FRAS1: variants seen among roughly 807,000 people sequenced by gnomAD.
The protein encoded by FRAS1 is extracellular matrix organizing protein FRAS1.
Under a neutral mutation model 435.2 loss-of-function variants are expected in FRAS1, and 290 were observed. That is an observed-to-expected ratio of 0.67 (90% CI 0.61 to 0.73). The LOEUF (loss-of-function observed/expected upper bound fraction) is 0.73. Among genes scored for constraint, FRAS1 ranks in the 30% least tolerant of loss-of-function variants. FRAS1 has a pLI of 0.00. For synonymous variants in FRAS1, 1,800 were observed against 1,851.0 expected (o/e 0.97, Z 0.71); for missense variants, 4,860 against 5,001.5 (o/e 0.97, Z 0.85).
rs748860766 is a variant in FRAS1, at chr4:78,464,051, A to T, written c.6794A>T (p.Asp2265Val). 4 of 1,613,570 alleles carry T rather than the reference A, an allele frequency of 2.5e-6. No individual in the cohort carries two copies. Among genetic ancestry groups the T allele is most frequent in the Non-Finnish European group, 3.4e-6 (4 of 1,179,794 alleles). Residue 2265 changes from aspartate (D) to valine (V), a missense_variant, in exon 48 of 74, where the codon GAT (aspartate) becomes GTT (valine). Physicochemically the swap from Asp to Val is radical, Grantham distance 152. Coordinates refer to ENST00000512123, the MANE Select transcript of FRAS1 (RefSeq NM_025074.7). ...GIQISSFTQA[D>V]LTSRNVQYVH... ...CAGATTAGTTCCTTTACTCAAGCTG[A>T]TCTGACTTCACGAAATGTTCAGTAT...
chr4:78,182,110 T>C, intron 2 of FRAS1: 1 of 1,253,896 alleles, frequency 8.0e-7, no homozygotes, highest in Admixed American at 2.7e-5. Context: ...CAAGAGCGCC[T>C]GCTTCAGCTC....
chr4:78,334,585 G>GTT (rs1158163741), intron 19 of FRAS1, among the ~76,000 whole-genome samples: 2 of 151,416 alleles, frequency 1.3e-5, no homozygotes, highest in African/African-American at 4.9e-5. Context: ...TGATCAGGCT[G>GTT]GTCGTGATCT....
At chr4:78,289,250 C>T (rs906840169) in intron 14 of FRAS1, among the ~76,000 whole-genome samples, 2 of 144,836 alleles carry the variant, frequency 1.4e-5, no homozygotes, top group African/African-American at 2.9e-5. Flanking sequence ...ATCATTTTCT[C>T]TTTTCTCTTG....
Position 78,144,451 on chromosome 4 carries a change from A to AGTGT in FRAS1, c.108+78458_108+78461dup, listed in dbSNP as rs144059150. 6.2e-3 allele frequency among the ~76,000 whole-genome samples: 912 copies of AGTGT among 146,586 alleles called. 8 individuals are homozygous for AGTGT. Among genetic ancestry groups the AGTGT allele is most frequent in the African/African-American group, 0.018 (744 of 40,238 alleles). On this transcript the variant is annotated intron_variant, in intron 2 of 73. Coordinates refer to ENST00000512123, the MANE Select transcript of FRAS1 (RefSeq NM_025074.7). Reference sequence around the variant, plus strand: ...TTCTCATTTTTCTTATTTTAAAATAAGTGTGTGTGTGTGTGTGTGTGTGTG... The same window carrying AGTGT: ...TTCTCATTTTTCTTATTTTAAAATAAGTGTGTGTGTGTGTGTGTGTGTGTGTGTG...
At chr4:78,520,855 A>G (rs1244447452) in intron 67 of FRAS1, among the ~76,000 whole-genome samples, 1 of 152,186 alleles carries the variant, frequency 6.6e-6, no homozygotes, top group Non-Finnish European at 1.5e-5. Flanking sequence ...TTTTGGCTTT[A>G]TATTTCTCAT....
rs751038020 is a variant in FRAS1, at chr4:78,372,902, C to A, written c.3010+44C>A. ...TGCTCTGTGCTCAGCCATACCTTGG[C>A]CACCTCTGATTTGTACTGTTCTCAG... On this transcript the variant is annotated intron_variant, in intron 24 of 73. Transcript: ENST00000512123. 65 of 1,594,412 alleles carry A rather than the reference C, an allele frequency of 4.1e-5. 1 individual carries two copies. The highest frequency in any genetic ancestry group is 1.7e-6 in the Non-Finnish European group (2 of 1,170,828).
At chr4:78,059,141 G>C (rs945104450) in intron 1 of FRAS1, among the ~76,000 whole-genome samples, 11 of 152,170 alleles carry the variant, frequency 7.2e-5, no homozygotes, top group African/African-American at 2.7e-4. Flanking sequence ...AGGGCGGGCC[G>C]CCTTCTCCGC....
chr4:78,308,014 G>T, intron 14 of FRAS1, 52 bp from the exon 15 acceptor site: 1 of 1,526,656 alleles, frequency 6.6e-7, no homozygotes, highest in Non-Finnish European at 8.8e-7. Context: ...GAAAAATGAT[G>T]ACCAGTCCTT....
intron 2 of FRAS1, chr4:78,181,729 T>G: frequency 6.2e-7 from 1 of 1,610,386 alleles, no homozygotes; most frequent in South Asian, 1.1e-5. Flanking sequence ...CAACTCGTCT[T>G]ATTCCTTCTT....
At chr4:78,500,559 C>G (rs1720644245) in intron 61 of FRAS1, among the ~76,000 whole-genome samples, 1 of 152,156 alleles carries the variant, frequency 6.6e-6, no homozygotes, top group Non-Finnish European at 1.5e-5. Context: ...TTTCTGAAAT[C>G]TAACTGGTAT....
chr4:78,443,973 C>G, intron 41 of FRAS1: 1 of 323,696 alleles, frequency 3.1e-6, no homozygotes, highest in South Asian at 2.5e-5. Context: ...CTCAGCCTCC[C>G]AAGTACCTGG....
chr4:78,224,285 A>G (rs1724177211), intron 2 of FRAS1, among the ~76,000 whole-genome samples: 1 of 152,246 alleles, frequency 6.6e-6, no homozygotes. Flanking sequence ...CCTACTTTCA[A>G]ATCCTGGCTT....
intron 20 of FRAS1, among the ~76,000 whole-genome samples, chr4:78,343,890 C>T (rs183219603): frequency 2.2e-4 from 33 of 152,236 alleles, no homozygotes; most frequent in Non-Finnish European, 3.8e-4. Flanking sequence ...TTCTACTGTG[C>T]GGGGGAGGTG....
In FRAS1 at chr4:78,429,228, T is replaced by C. The variant is rs370018000; in HGVS notation, c.4843+2T>C. 2.2e-5 allele frequency: 35 copies of C among 1,605,716 alleles called. No individual in the cohort carries two copies. The East Asian group carries it at 4.0e-4, about 18-fold the overall frequency. ...GCCCAGGAGGCAGCACTTCTGTAGGTAAGAACTGGGAGCCTGATAGAAACA... is the reference window on the plus strand; with the variant it reads ...GCCCAGGAGGCAGCACTTCTGTAGGCAAGAACTGGGAGCCTGATAGAAACA... On this transcript the variant is annotated splice_donor_variant, in intron 36 of 73. Coordinates refer to ENST00000512123, the MANE Select transcript of FRAS1 (RefSeq NM_025074.7). LOFTEE classifies it high-confidence loss of function.
intron 30 of FRAS1, among the ~76,000 whole-genome samples, chr4:78,402,346 A>T (rs1016456718): frequency 3.3e-5 from 5 of 152,054 alleles, no homozygotes; most frequent in African/African-American, 1.2e-4. Context: ...TATTTAATTT[A>T]AAAATAGTTC....
chr4:78,058,208 T>C, intron 1 of FRAS1, 123 bp downstream of exon 1: 1 of 796,398 alleles, frequency 1.3e-6, no homozygotes. Context: ...GTGGAAGTTT[T>C]TCTGGGAAGG....
chr4:78,161,093 C>T (rs779499870), intron 2 of FRAS1, among the ~76,000 whole-genome samples: 2 of 151,596 alleles, frequency 1.3e-5, no homozygotes, highest in Non-Finnish European at 2.9e-5. Flanking sequence ...GAGCTGAGAT[C>T]GTGTCACTGC....
chr4:78,439,166 C>A, intron 40 of FRAS1, 102 bp downstream of exon 40: 2 of 962,844 alleles, frequency 2.1e-6, no homozygotes, highest in Non-Finnish European at 3.1e-6. Context: ...CCAAATATTT[C>A]CCCCAAAATA....
At chr4:78,436,965 A>G (rs1382756071) in intron 38 of FRAS1, among the ~76,000 whole-genome samples, 6 of 152,160 alleles carry the variant, frequency 3.9e-5, no homozygotes, top group African/African-American at 9.7e-5. Flanking sequence ...AAAATAAATT[A>G]ATACAAAAGG....
Sources: allele counts gnomAD v4.1 joint callset (sites outside exome capture counted in the v4.1 genomes callset), GRCh38; gene constraint gnomAD v4.1.1; transcripts MANE v1.5; gene names NCBI Gene and HGNC (gene_info 2026-07-23, HGNC 2026-07-21).